ADAM22: variants seen among roughly 807,000 people sequenced by gnomAD.
ADAM22 encodes the protein ADAM metallopeptidase domain 22.
Under a neutral mutation model 144.6 loss-of-function variants are expected in ADAM22, and 65 were observed. The ratio of observed to expected loss-of-function variants is 0.45; its 90% CI spans 0.37 to 0.55. The LOEUF (loss-of-function observed/expected upper bound fraction) is 0.55, where lower values mean the gene tolerates loss of function less well. Among genes scored for constraint, ADAM22 ranks in the 20% least tolerant of loss-of-function variants. The pLI, the probability that ADAM22 is intolerant of heterozygous loss-of-function variation, is 0.00. For synonymous variants in ADAM22, 391 were observed against 412.6 expected, an observed-to-expected ratio of 0.95 and a Z score of 0.63; for missense variants, 974 against 1,184.9, an observed-to-expected ratio of 0.82 and a Z score of 2.61.
chr7:88,017,913 T>C (rs1796916700), intron 3 of ADAM22, among the ~76,000 whole-genome samples: 1 of 152,140 alleles, frequency 6.6e-6, no homozygotes, highest in Non-Finnish European at 1.5e-5. Context: ...TTACATTTTT[T>C]TTCTCCACAT....
At chr7:88,148,926 A>G (rs2129525087) in intron 17 of ADAM22, 51 bp from the exon 18 acceptor site, 2 of 1,376,392 alleles carry the variant, frequency 1.5e-6, no homozygotes. Flanking sequence ...TGATATTGTA[A>G]GATTTTTTTT....
intron 23 of ADAM22, among the ~76,000 whole-genome samples, 171 bp from the exon 24 acceptor site, chr7:88,165,661 T>C (rs955464046): frequency 6.6e-6 from 1 of 152,114 alleles, no homozygotes; most frequent in African/African-American, 2.4e-5. Flanking sequence ...TAGGAAACAT[T>C]TGCTTGAGGT....
At chr7:88,194,515 T>G (rs1174657277) in intron 31 of ADAM22, among the ~76,000 whole-genome samples, 1 of 152,156 alleles carries the variant, frequency 6.6e-6, no homozygotes, top group Non-Finnish European at 1.5e-5. Context: ...AAGCAGATCT[T>G]CCTATCAGCA....
chr7:87,947,575 CTTAAT>C (rs1012015233), intron 2 of ADAM22, among the ~76,000 whole-genome samples: 4 of 151,340 alleles, frequency 2.6e-5, no homozygotes, highest in African/African-American at 9.7e-5. Context: ...AGAATTTTCA[CTTAAT>C]TTAATTTCTG....
chr7:87,991,392 C>T (rs1789832092), intron 3 of ADAM22, among the ~76,000 whole-genome samples: 1 of 125,248 alleles, frequency 8.0e-6, no homozygotes. Context: ...CGGAGTCTCG[C>T]TCTGTCGCCC....
At chr7:88,032,691 C>T (rs542184010) in intron 3 of ADAM22, among the ~76,000 whole-genome samples, 1 of 152,082 alleles carries the variant, frequency 6.6e-6, no homozygotes, top group African/African-American at 2.4e-5. Context: ...TATTTTCACC[C>T]AAATCTTATG....
intron 2 of ADAM22, among the ~76,000 whole-genome samples, chr7:87,945,812 T>C (rs1843571695): frequency 6.6e-6 from 1 of 152,158 alleles, no homozygotes; most frequent in Admixed American, 6.5e-5. Context: ...CACGCCCGGC[T>C]GAAGCCATTA....
At chr7:88,013,075 G>C (rs1004493102) in intron 3 of ADAM22, among the ~76,000 whole-genome samples, 2 of 152,154 alleles carry the variant, frequency 1.3e-5, no homozygotes, top group African/African-American at 2.4e-5. Flanking sequence ...CCTAAGACTG[G>C]AATCCCCAGA....
intron 18 of ADAM22, among the ~76,000 whole-genome samples, chr7:88,150,264 T>G (rs1205335259): frequency 6.6e-6 from 1 of 152,228 alleles, no homozygotes; most frequent in East Asian, 1.9e-4. Context: ...CACTTTTCTT[T>G]GCTGCACTTT....
chr7:88,114,534 C>T (rs759893771), intron 5 of ADAM22, 50 bp from the exon 6 acceptor site: 1 of 1,561,444 alleles, frequency 6.4e-7, no homozygotes, highest in South Asian at 1.1e-5. Flanking sequence ...TGATCTTGTT[C>T]TGGGATGAGA....
Position 88,179,143 on chromosome 7 carries a change from T to A in ADAM22, c.2495+14T>A, listed in dbSNP as rs773250363. ...ATTTTGCAGCAGGTTTGATTACTTC[T>A]TCCTTCTTTCTTGAATGTTAAAAAA... On this transcript the variant is annotated intron_variant, in intron 27 of 31. Coordinates refer to ENST00000413139, the MANE Select transcript of ADAM22 (RefSeq NM_001324418.2). 7 of 926,122 alleles carry A rather than the reference T, an allele frequency of 7.6e-6. No individual in the cohort carries two copies. The East Asian group carries it at 1.8e-4, about 23-fold the overall frequency. 57.4% of individuals were successfully genotyped at this position (926,122 alleles called of 1,614,324 possible).
At chr7:88,149,300 T>G (rs1408787819) in intron 18 of ADAM22, among the ~76,000 whole-genome samples, 1 of 152,186 alleles carries the variant, frequency 6.6e-6, no homozygotes, top group East Asian at 1.9e-4. Flanking sequence ...GTTTTTGTAT[T>G]AAGTAGGTAG....
chr7:87,941,018 C>T (rs888053178), intron 2 of ADAM22, among the ~76,000 whole-genome samples: 7 of 152,114 alleles, frequency 4.6e-5, no homozygotes, highest in African/African-American at 1.7e-4. Context: ...GATTTACATC[C>T]AGGATGTTAT....
intron 27 of ADAM22, among the ~76,000 whole-genome samples, chr7:88,179,506 G>A (rs1354945447): frequency 6.6e-6 from 1 of 151,958 alleles, no homozygotes; most frequent in Non-Finnish European, 1.5e-5. Context: ...AGCTCGCTAT[G>A]AAACAAAGAT....
chr7:88,014,198 A>G (rs923897174), intron 3 of ADAM22, among the ~76,000 whole-genome samples: 2 of 152,162 alleles, frequency 1.3e-5, no homozygotes, highest in African/African-American at 2.4e-5. Context: ...ATGTAGCTGT[A>G]TACTGATTTT....
intron 2 of ADAM22, among the ~76,000 whole-genome samples, chr7:87,971,801 C>A (rs1401631331): frequency 6.6e-6 from 1 of 152,216 alleles, no homozygotes; most frequent in Non-Finnish European, 1.5e-5. Flanking sequence ...TGAGAGCCAT[C>A]CTGGCTCACT....
chr7:87,945,138 G>C (rs1053820661), intron 2 of ADAM22, among the ~76,000 whole-genome samples: 2 of 152,154 alleles, frequency 1.3e-5, no homozygotes, highest in Middle Eastern at 3.4e-3. Context: ...ATTAAATATT[G>C]ATTTCCTAAT....
chr7:87,946,676 T>C (rs976001344), intron 2 of ADAM22, among the ~76,000 whole-genome samples: 3 of 152,192 alleles, frequency 2.0e-5, no homozygotes, highest in Non-Finnish European at 4.4e-5. Context: ...TGCAGCTTTG[T>C]TTCTGGGCTC....
At chr7:87,966,727 T>G (rs943661478) in intron 2 of ADAM22, among the ~76,000 whole-genome samples, 64 of 125,816 alleles carry the variant, frequency 5.1e-4, no homozygotes, top group African/African-American at 2.0e-3. Flanking sequence ...AGCCGTTTTT[T>G]TTTTTTTTTT....
Sources: allele counts gnomAD v4.1 joint callset (sites outside exome capture counted in the v4.1 genomes callset), GRCh38; gene constraint gnomAD v4.1.1; transcripts MANE v1.5; gene names NCBI Gene and HGNC (gene_info 2026-07-23, HGNC 2026-07-21).